The following AGTPBP1 variants were observed in gnomAD, a reference collection of about 807,000 sequenced individuals.
The protein encoded by AGTPBP1 is ATP/GTP binding carboxypeptidase 1.
Under a neutral mutation model 143.9 loss-of-function variants are expected in AGTPBP1, and 70 were observed. The observed-to-expected ratio is 0.49, with a 90% confidence interval of 0.40 to 0.59. The LOEUF is 0.59. Ranked by LOEUF, AGTPBP1 falls within the 20% of genes least tolerant of loss-of-function variation. The pLI is 0.00. For synonymous variants in AGTPBP1, 463 were observed against 500.2 expected (o/e 0.93, Z 0.99); for missense variants, 1,229 against 1,464.5 (o/e 0.84, Z 2.62).
chr9:85,664,502 C>T (rs115350281), intron 8 of AGTPBP1, among the ~76,000 whole-genome samples: 3 of 152,180 alleles, frequency 2.0e-5, no homozygotes, highest in South Asian at 2.1e-4. Context: ...AAGTACTGTG[C>T]CTCCCAAGCC....
intron 17 of AGTPBP1, among the ~76,000 whole-genome samples, chr9:85,596,790 C>A (rs1009717659): frequency 3.3e-5 from 5 of 151,844 alleles, no homozygotes; most frequent in Non-Finnish European, 7.4e-5. Context: ...TGTACAATCA[C>A]CCCTCTAACT....
chr9:85,672,688 A>T lies in AGTPBP1; in HGVS notation c.437-7T>A, dbSNP rs1463343169. ...TTTACTCCAAATTTTTTATCTGTTT[A>T]AAAAAAAAAAAGACAATTTATGCAC... is the stretch of plus-strand genomic sequence containing the variant. On this transcript the variant is annotated splice_region_variant and splice_polypyrimidine_tract_variant and intron_variant, in intron 6 of 25. Coordinates refer to ENST00000357081, the MANE Select transcript of AGTPBP1 (RefSeq NM_001330701.2). 7.7e-5 allele frequency: 57 copies of T among 740,090 alleles called. 1 individual carries two copies. Among genetic ancestry groups the T allele is most frequent in the Admixed American group, 2.3e-4 (6 of 26,414 alleles). The allele number at this position is 740,090 out of a possible 1,614,324, so 45.8% of individuals were successfully genotyped here. A position where few individuals can be genotyped will look rare whatever the true frequency, so the allele number is the denominator to read the frequency against.
chr9:85,688,726 G>A (rs1180957513), intron 3 of AGTPBP1, among the ~76,000 whole-genome samples: 3 of 152,172 alleles, frequency 2.0e-5, no homozygotes, highest in Admixed American at 6.5e-5. Flanking sequence ...AGTAGTTAAC[G>A]AGAGGCAAAT....
intron 17 of AGTPBP1, among the ~76,000 whole-genome samples, chr9:85,603,867 G>C (rs559477317): frequency 4.0e-5 from 6 of 151,734 alleles, no homozygotes; most frequent in Non-Finnish European, 8.8e-5. Flanking sequence ...GCAGGCCTGG[G>C]ATGGTGATGG....
rs989968035 is a variant in AGTPBP1 at position 85,696,666 on chromosome 9, C to CAAA, written c.33-3856_33-3854dup. The stretch of plus-strand genomic sequence containing the variant: ...TGGGTGACAGAGCAAGACTCCGTCT[C>CAAA]AAAAAAAAAAAAAGTATCAATCCAC... On this transcript the variant is annotated intron_variant, in intron 2 of 25. Coordinates refer to ENST00000357081, the MANE Select transcript of AGTPBP1 (RefSeq NM_001330701.2). 3.0e-5 allele frequency among the ~76,000 whole-genome samples: 4 copies of CAAA among 131,562 alleles called. No homozygotes were observed. The South Asian group carries it at 7.2e-4, about 24-fold the overall frequency. 86.3% of individuals were successfully genotyped at this position (131,562 alleles called of 152,430 possible).
At chr9:85,606,392 GAAA>G (rs34239208) in intron 17 of AGTPBP1, among the ~76,000 whole-genome samples, 1 of 129,244 alleles carries the variant, frequency 7.7e-6, no homozygotes. Context: ...ATTAAAAAGA[GAAA>G]AAAAAAAAAA....
At chr9:85,606,696 T>C (rs1401209126) in intron 17 of AGTPBP1, among the ~76,000 whole-genome samples, 1 of 151,964 alleles carries the variant, frequency 6.6e-6, no homozygotes, top group Non-Finnish European at 1.5e-5. Context: ...AAATGATATA[T>C]ATACACAATG....
chr9:85,741,653 A>T (rs1054851119), intron 1 of AGTPBP1, 122 bp downstream of exon 1: 1 of 1,248,318 alleles, frequency 8.0e-7, no homozygotes, highest in Admixed American at 4.2e-5. Flanking sequence ...CCGTCAGGTA[A>T]GGGGCGCAGG....
At chr9:85,722,660 G>C (rs1247315975) in intron 1 of AGTPBP1, among the ~76,000 whole-genome samples, 1 of 152,150 alleles carries the variant, frequency 6.6e-6, no homozygotes, top group Non-Finnish European at 1.5e-5. Flanking sequence ...CAACCTTTCT[G>C]AAGCCTACTT....
chr9:85,589,399 G>C, intron 20 of AGTPBP1, 129 bp downstream of exon 20: 1 of 1,207,334 alleles, frequency 8.3e-7, no homozygotes, highest in Non-Finnish European at 1.1e-6. Flanking sequence ...CTAGATAATA[G>C]CAGGGCCAAG....
the AGTPBP1 span, among the ~76,000 whole-genome samples, chr9:85,772,956 G>A: frequency 6.6e-6 from 1 of 152,070 alleles, no homozygotes; most frequent in East Asian, 1.9e-4. Flanking sequence ...GATCATTAGA[G>A]CAACAATATA....
At chr9:85,589,502 A>G in intron 20 of AGTPBP1, 26 bp downstream of exon 20, 7 of 1,588,278 alleles carry the variant, frequency 4.4e-6, no homozygotes, top group Non-Finnish European at 6.0e-6. Context: ...AATGACTGCT[A>G]TTGTGAGTTG....
intron 25 of AGTPBP1, among the ~76,000 whole-genome samples, chr9:85,551,575 A>G (rs1264608772): frequency 1.3e-5 from 2 of 152,220 alleles, no homozygotes; most frequent in Non-Finnish European, 2.9e-5. Flanking sequence ...AGGCACCTCA[A>G]TAAATGTTTG....
At chr9:85,579,802 A>C (rs1377761522) in intron 23 of AGTPBP1, among the ~76,000 whole-genome samples, 6 of 150,306 alleles carry the variant, frequency 4.0e-5, no homozygotes, top group Non-Finnish European at 8.8e-5. Context: ...CATTCATTAA[A>C]TATTGGCACT....
chr9:85,609,126 TA>T (rs1188772399), intron 17 of AGTPBP1, among the ~76,000 whole-genome samples: 1 of 152,160 alleles, frequency 6.6e-6, no homozygotes, highest in African/African-American at 2.4e-5. Flanking sequence ...TGTGTGATTA[TA>T]TACACACATA....
At chr9:85,637,747 T>C (rs894443794) in intron 13 of AGTPBP1, among the ~76,000 whole-genome samples, 1 of 152,232 alleles carries the variant, frequency 6.6e-6, no homozygotes, top group African/African-American at 2.4e-5. Flanking sequence ...TGTATAAATG[T>C]GTCAAAACTC....
intron 20 of AGTPBP1, 114 bp downstream of exon 20, chr9:85,589,414 G>T: frequency 7.3e-7 from 1 of 1,360,606 alleles, no homozygotes; most frequent in South Asian, 1.6e-5. Context: ...GCCAAGACTA[G>T]AGCCCAAGTC....
At chr9:85,614,025 T>A (rs913959229) in intron 17 of AGTPBP1, among the ~76,000 whole-genome samples, 2 of 151,930 alleles carry the variant, frequency 1.3e-5, no homozygotes, top group African/African-American at 4.8e-5. Context: ...TGCAAAAAAA[T>A]TCTTAAATCT....
the AGTPBP1 span, among the ~76,000 whole-genome samples, chr9:85,748,962 T>G: frequency 6.6e-6 from 1 of 151,470 alleles, no homozygotes; most frequent in Non-Finnish European, 1.5e-5. Context: ...GCAACTCTGC[T>G]TGTAACTCAA....
Sources: allele counts gnomAD v4.1 joint callset (sites outside exome capture counted in the v4.1 genomes callset), GRCh38; gene constraint gnomAD v4.1.1; transcripts MANE v1.5; gene names NCBI Gene and HGNC (gene_info 2026-07-23, HGNC 2026-07-21).